The following CNTNAP5 variants were observed in gnomAD, a reference collection of about 807,000 sequenced individuals.
CNTNAP5 encodes contactin associated protein family member 5.
Under a neutral mutation model 150.2 loss-of-function variants are expected in CNTNAP5, and 72 were observed. The ratio of observed to expected loss-of-function variants is 0.48; its 90% CI spans 0.40 to 0.58. CNTNAP5 has a LOEUF of 0.58. CNTNAP5 is among the 20% of genes least tolerant of loss of function. The pLI is 0.00. For missense variants in CNTNAP5, 1,636 were observed against 1,626.2 expected, an observed-to-expected ratio of 1.01 and a Z score of -0.10; for synonymous variants, 672 against 619.8, an observed-to-expected ratio of 1.08 and a Z score of -1.25.
intron 12 of CNTNAP5, among the ~76,000 whole-genome samples, chr2:124,644,398 G>A (rs1047408749): frequency 1.3e-5 from 2 of 152,046 alleles, no homozygotes; most frequent in African/African-American, 4.8e-5. Context: ...AAAATATTAT[G>A]GCAATAATAT....
intron 11 of CNTNAP5, among the ~76,000 whole-genome samples, chr2:124,578,156 CAAAAAAAAAAAAAA>C (rs556786620): frequency 1.4e-5 from 1 of 69,496 alleles, no homozygotes; most frequent in Non-Finnish European, 2.7e-5. Flanking sequence ...ACTAAAAATA[CAAAAAAAAAAAAAA>C]AAAAAAAAAA....
intron 1 of CNTNAP5, among the ~76,000 whole-genome samples, chr2:124,116,060 A>G (rs1683421700): frequency 6.6e-6 from 1 of 152,200 alleles, no homozygotes; most frequent in Non-Finnish European, 1.5e-5. Flanking sequence ...ACACAAACTT[A>G]CAACAATGAA....
At chr2:124,084,271 G>C (rs1481789773) in intron 1 of CNTNAP5, among the ~76,000 whole-genome samples, 2 of 145,784 alleles carry the variant, frequency 1.4e-5, no homozygotes, top group Non-Finnish European at 3.0e-5. Context: ...TTTTGTAGAG[G>C]TTTTTTTTTT....
chr2:124,819,958 T>G (rs1260676823), intron 19 of CNTNAP5, among the ~76,000 whole-genome samples: 1 of 152,178 alleles, frequency 6.6e-6, no homozygotes, highest in East Asian at 1.9e-4. Flanking sequence ...TTAGCCTGGT[T>G]GGTGAAATTG....
intron 4 of CNTNAP5, among the ~76,000 whole-genome samples, chr2:124,424,549 A>G (rs1473007319): frequency 6.6e-6 from 1 of 152,198 alleles, no homozygotes; most frequent in Non-Finnish European, 1.5e-5. Context: ...CATAGTTCCT[A>G]TAGGAATGAC....
At chr2:124,848,139 G>A (rs781133498) in intron 19 of CNTNAP5, among the ~76,000 whole-genome samples, 3 of 152,118 alleles carry the variant, frequency 2.0e-5, no homozygotes, top group Non-Finnish European at 4.4e-5. Context: ...GCCTGAACTT[G>A]TTCACTTTGT....
At chr2:124,447,004 T>TG (rs140637698) in intron 6 of CNTNAP5, 67 bp downstream of exon 6, 5 of 1,485,706 alleles carry the variant, frequency 3.4e-6, no homozygotes, top group Non-Finnish European at 4.6e-6. Flanking sequence ...AGAAAATCAG[T>TG]GAGCAGACCA....
At chr2:124,911,933 C>T (rs1678664780) in intron 23 of CNTNAP5, among the ~76,000 whole-genome samples, 1 of 152,104 alleles carries the variant, frequency 6.6e-6, no homozygotes. Flanking sequence ...AGCCGCAGTC[C>T]TGTGGAGTAT....
At chr2:124,773,056 G>A (rs1212643133) in intron 17 of CNTNAP5, 39 bp downstream of exon 17, 6 of 1,526,776 alleles carry the variant, frequency 3.9e-6, no homozygotes, top group Non-Finnish European at 4.5e-6. Context: ...GCTAAACCCT[G>A]CAAGATCACT....
intron 1 of CNTNAP5, among the ~76,000 whole-genome samples, chr2:124,053,898 G>T (rs1306298535): frequency 2.0e-5 from 3 of 152,180 alleles, no homozygotes; most frequent in Non-Finnish European, 2.9e-5. Context: ...ATGTTTCTTA[G>T]CCTGCCGCTT....
intron 1 of CNTNAP5, among the ~76,000 whole-genome samples, chr2:124,058,947 TTAAAG>T (rs1327940888): frequency 6.6e-6 from 1 of 152,190 alleles, no homozygotes; most frequent in Non-Finnish European, 1.5e-5. Context: ...CTGGTACTCT[TTAAAG>T]TAAGCTATTG....
chr2:124,411,252 A>T, intron 3 of CNTNAP5, among the ~76,000 whole-genome samples: 1 of 152,140 alleles, frequency 6.6e-6, no homozygotes, highest in East Asian at 1.9e-4. Context: ...TACCAACCAA[A>T]AAGAGTCCAG....
At chr2:124,083,711 A>G (rs1431127551) in intron 1 of CNTNAP5, among the ~76,000 whole-genome samples, 3 of 151,960 alleles carry the variant, frequency 2.0e-5, no homozygotes, top group African/African-American at 7.2e-5. Context: ...CTGTAGACAT[A>G]AGTTTTAAAA....
Position 124,619,253 on chromosome 2 carries a change from T to C in CNTNAP5, c.1876+9333T>C, listed in dbSNP as rs144999550. Among the ~76,000 whole-genome samples the C allele has an allele frequency of 6.6e-5, 10 of 152,128 alleles. No homozygotes were observed. The East Asian group carries it at 1.9e-3, about 30-fold the overall frequency. On this transcript the variant is annotated intron_variant, in intron 12 of 23. Coordinates refer to ENST00000682447, the MANE Select transcript of CNTNAP5 (RefSeq NM_001367498.1). ...CCAGGAGTCCACTGGGGACTAAGAA[T>C]TGGGTTTCTGGATGAAAATGCACAT...
chr2:124,257,709 G>C (rs1388931963), intron 3 of CNTNAP5, among the ~76,000 whole-genome samples: 1 of 151,984 alleles, frequency 6.6e-6, no homozygotes, highest in African/African-American at 2.4e-5. Context: ...TCTAGATTTG[G>C]TTATAATCCA....
intron 13 of CNTNAP5, among the ~76,000 whole-genome samples, chr2:124,663,345 G>T (rs1678632098): frequency 6.6e-6 from 1 of 152,112 alleles, no homozygotes; most frequent in African/African-American, 2.4e-5. Flanking sequence ...ATAATCTGAA[G>T]TCACTCAAAA....
At chr2:124,373,333 T>C (rs1314165726) in intron 3 of CNTNAP5, among the ~76,000 whole-genome samples, 1 of 152,144 alleles carries the variant, frequency 6.6e-6, no homozygotes, top group Non-Finnish European at 1.5e-5. Flanking sequence ...GATCCTGGCA[T>C]ACTCATTCAA....
chr2:124,715,237 G>A (rs1679919018), intron 13 of CNTNAP5, among the ~76,000 whole-genome samples: 1 of 152,170 alleles, frequency 6.6e-6, no homozygotes, highest in African/African-American at 2.4e-5. Context: ...GCTAACCATT[G>A]AGGATATAGA....
chr2:124,644,433 A>G (rs1055528146), intron 12 of CNTNAP5, among the ~76,000 whole-genome samples: 3 of 152,186 alleles, frequency 2.0e-5, no homozygotes, highest in Non-Finnish European at 4.4e-5. Context: ...TGAAAGATTG[A>G]CTCTCTAATA....
Sources: gnomAD v4.1 joint callset for allele counts (sites outside exome capture counted in the v4.1 genomes callset) on GRCh38, gnomAD v4.1.1 for gene constraint, MANE v1.5 for transcripts, NCBI Gene and HGNC (gene_info 2026-07-23, HGNC 2026-07-21) for gene names.